The following PCDH11X variants were observed in gnomAD, a reference collection of about 807,000 sequenced individuals.
PCDH11X encodes the protein protocadherin 11 X-linked.
In PCDH11X, 18 loss-of-function variants were observed where a neutral mutation model predicts 53.3. The observed-to-expected ratio is 0.34, with a 90% CI of 0.23 to 0.50. The LOEUF is 0.50. Among genes scored for constraint, PCDH11X ranks in the 20% least tolerant of loss-of-function variants. The probability of loss-of-function intolerance (pLI) is 0.98; values close to 1 mark genes in which losing one functional copy is unlikely to be tolerated. For synonymous variants in PCDH11X, 279 were observed against 393.3 expected, an observed-to-expected ratio of 0.71 and a Z score of 3.44; for missense variants, 570 against 1,032.4, an observed-to-expected ratio of 0.55 and a Z score of 6.14.
At chrX:92,146,412 T>C (rs34956670) in intron 6 of PCDH11X, among the ~76,000 whole-genome samples, 8,284 of 110,613 alleles carry the variant, frequency 0.075, 767 homozygotes, top group African/African-American at 0.26. Flanking sequence ...CAAAATGCCT[T>C]CCATGAGGGG....
chrX:92,001,913 C>T (rs1431975039), intron 6 of PCDH11X, among the ~76,000 whole-genome samples: 1 of 105,022 alleles, frequency 9.5e-6, no homozygotes, highest in Non-Finnish European at 2.0e-5. Flanking sequence ...GATGTTATCC[C>T]ACTTGTCCAT....
intron 10 of PCDH11X, among the ~76,000 whole-genome samples, chrX:92,571,726 T>C (rs1922231180): frequency 9.1e-6 from 1 of 109,401 alleles, no homozygotes; most frequent in Non-Finnish European, 1.9e-5. Context: ...TTAATAGGAA[T>C]CCCTACTGAG....
intron 7 of PCDH11X, among the ~76,000 whole-genome samples, chrX:92,242,633 A>G (rs1161355576): frequency 2.7e-5 from 3 of 111,834 alleles, no homozygotes; most frequent in African/African-American, 9.7e-5. Flanking sequence ...TCTGAAATAA[A>G]TGTCCAAAGG....
At chrX:92,032,198 G>A (rs1240907266) in intron 6 of PCDH11X, among the ~76,000 whole-genome samples, 1 of 110,787 alleles carries the variant, frequency 9.0e-6, no homozygotes, top group African/African-American at 3.3e-5. Flanking sequence ...TGATTTTTCA[G>A]TTCTTCGGTT....
rs369362335 is a variant in PCDH11X at position 92,119,022 on chromosome X, T to A, written c.3034-82353T>A. ...TCCCAAAGTGCTGGGATTACAGGCG[T>A]GAGCCACTGCGCCCGGCCAATATAA... On this transcript the variant is annotated intron_variant, in intron 6 of 10. Coordinates refer to ENST00000682573, the MANE Select transcript of PCDH11X (RefSeq NM_032968.5). Among the ~76,000 whole-genome samples, 3 of 110,619 alleles carry A rather than the reference T, an allele frequency of 2.7e-5. No individual in the cohort carries two copies. In the East Asian group the frequency reaches 8.5e-4, roughly 31 times the overall value.
intron 10 of PCDH11X, among the ~76,000 whole-genome samples, chrX:92,553,517 A>C (rs2074997361): frequency 1.8e-5 from 2 of 108,811 alleles, no homozygotes; most frequent in African/African-American, 3.3e-5. Flanking sequence ...TAACTTTCCC[A>C]AAAACCAACT....
chrX:91,861,770 T>C (rs1938689159), intron 5 of PCDH11X, among the ~76,000 whole-genome samples: 1 of 111,891 alleles, frequency 8.9e-6, no homozygotes. Context: ...TGAAAAAGCA[T>C]GATTTCCTGA....
At position 92,380,511 on chromosome X, in the gene PCDH11X, T is replaced by C. The variant is rs756237272; in HGVS notation, c.3145-7224T>C. On this transcript the variant is annotated intron_variant, in intron 8 of 10. Coordinates refer to ENST00000682573, the MANE Select transcript of PCDH11X (RefSeq NM_032968.5). ...TGTGACATATGCATGATTAACAAAT[T>C]AACTAGGTGATTTCTACGTAGCTGA... is the stretch of plus-strand genomic sequence containing the variant. Among the ~76,000 whole-genome samples the C allele has an allele frequency of 4.5e-5, 5 of 112,140 alleles. No homozygotes were observed. The East Asian group carries it at 1.4e-3, about 32-fold the overall frequency.
chrX:92,074,820 G>A (rs2148086700), intron 6 of PCDH11X, among the ~76,000 whole-genome samples: 1 of 111,788 alleles, frequency 8.9e-6, no homozygotes, highest in African/African-American at 3.2e-5. Context: ...AGCTGAAATT[G>A]TCATTTTATT....
At chrX:92,298,109 G>T (rs2068646314) in intron 8 of PCDH11X, among the ~76,000 whole-genome samples, 1 of 111,642 alleles carries the variant, frequency 9.0e-6, no homozygotes, top group Non-Finnish European at 1.9e-5. Flanking sequence ...AGTTTGACTT[G>T]CTGTCATCCT....
chrX:91,822,466 G>A (rs1423655039), intron 4 of PCDH11X, among the ~76,000 whole-genome samples: 1 of 111,288 alleles, frequency 9.0e-6, no homozygotes, highest in Non-Finnish European at 1.9e-5. Flanking sequence ...TTGCGCAGAG[G>A]TGTTTATAGT....
intron 6 of PCDH11X, among the ~76,000 whole-genome samples, chrX:92,176,683 A>G (rs1166933436): frequency 8.9e-6 from 1 of 112,073 alleles, no homozygotes; most frequent in East Asian, 2.8e-4. Context: ...TACTATAAGC[A>G]TACCCACATG....
At chrX:92,494,357 A>C (rs1364100831) in intron 10 of PCDH11X, among the ~76,000 whole-genome samples, 1 of 104,552 alleles carries the variant, frequency 9.6e-6, no homozygotes, top group Admixed American at 1.0e-4. Flanking sequence ...ATGTCAGTGC[A>C]CTTTTGTCTT....
intron 6 of PCDH11X, among the ~76,000 whole-genome samples, chrX:92,045,349 C>A (rs1000237235): frequency 7.1e-5 from 7 of 98,133 alleles, no homozygotes; most frequent in Non-Finnish European, 1.2e-4. Flanking sequence ...AAGGAGAGAT[C>A]TATTTAGACA....
chrX:92,321,789 C>T (rs1451571319), intron 8 of PCDH11X, among the ~76,000 whole-genome samples: 2 of 110,917 alleles, frequency 1.8e-5, no homozygotes, highest in Non-Finnish European at 3.8e-5. Flanking sequence ...TCTCATCATG[C>T]CTGAGGACTG....
intron 6 of PCDH11X, among the ~76,000 whole-genome samples, chrX:92,070,854 C>T (rs1338188782): frequency 9.0e-6 from 1 of 111,410 alleles, no homozygotes; most frequent in Non-Finnish European, 1.9e-5. Flanking sequence ...GGCTGGAGTG[C>T]AGTGGTGTGA....
At chrX:91,828,611 T>A (rs762657810) in intron 4 of PCDH11X, among the ~76,000 whole-genome samples, 1 of 111,642 alleles carries the variant, frequency 9.0e-6, no homozygotes, top group South Asian at 3.7e-4. Context: ...GGAGAAGGAA[T>A]ATTGTTGAAC....
At chrX:92,440,896 T>C (rs1338829384) in intron 9 of PCDH11X, among the ~76,000 whole-genome samples, 1 of 111,283 alleles carries the variant, frequency 9.0e-6, no homozygotes, top group East Asian at 2.8e-4. Context: ...TGGGAAAGTT[T>C]GGAACTCCCT....
At chrX:92,406,931 A>T (rs1290627009) in intron 9 of PCDH11X, among the ~76,000 whole-genome samples, 2 of 38,475 alleles carry the variant, frequency 5.2e-5, no homozygotes, top group Non-Finnish European at 5.3e-5. Flanking sequence ...CATCTCATAA[A>T]AAAAAAAAAA....
Sources: gnomAD v4.1 joint callset for allele counts (sites outside exome capture counted in the v4.1 genomes callset) on GRCh38, gnomAD v4.1.1 for gene constraint, MANE v1.5 for transcripts, NCBI Gene and HGNC (gene_info 2026-07-23, HGNC 2026-07-21) for gene names.